Variants in NTF4 observed in about 807,000 individuals in gnomAD.
The protein encoded by NTF4 is neurotrophin-4.
In NTF4, 2 loss-of-function variants were observed where a neutral mutation model predicts 4.4. The ratio of observed to expected loss-of-function variants is 0.46; its 90% CI spans 0.19 to 1.44. NTF4 has a LOEUF of 1.44. Among genes scored for constraint, NTF4 ranks in the 40% most tolerant of loss-of-function variants. NTF4 has a pLI of 0.26. For missense variants in NTF4, 260 were observed against 293.0 expected (o/e 0.89, Z 0.82); for synonymous variants, 127 against 122.0 (o/e 1.04, Z -0.27).
chr19:49,062,128 AG>A, upstream of NTF4: 1 of 1,195,680 alleles, frequency 8.4e-7, no homozygotes, highest in East Asian at 2.6e-5. Flanking sequence ...CCCTTGTTCT[AG>A]AAGTTTGGGG....
chr19:49,061,726 C>T lies in NTF4; in HGVS notation c.272G>A (p.Arg91Gln), dbSNP rs1004394151. 50 of 1,612,476 alleles carry T rather than the reference C, an allele frequency of 3.1e-5. No homozygotes were observed. Among genetic ancestry groups the T allele is most frequent in the Non-Finnish European group, 3.8e-5 (45 of 1,179,580 alleles). Residue 91 changes from arginine to glutamine, a missense_variant, in exon 1 of 1, where the codon CGG becomes CAG. Coordinates refer to ENST00000593537, the Ensembl canonical transcript of NTF4. This position sits in a 1 kb window ranked among gnomAD's most constrained non-coding sequence, Gnocchi z 4.9. ...TGCATCGCACACAGCCAGCTCACCC[C>T]GACGACTCGCTGGTGCAGTTTCGCT...
At chr19:49,058,398 C>G (rs1158710952), downstream of NTF4, 2 of 838,216 alleles carry the variant, frequency 2.4e-6, no homozygotes, top group East Asian at 2.8e-5. Flanking sequence ...GTCCCTATCA[C>G]CCCCCACCCC....
downstream of NTF4, among the ~76,000 whole-genome samples, chr19:49,059,291 T>G (rs1324679311): frequency 2.6e-5 from 4 of 152,070 alleles, no homozygotes; most frequent in Non-Finnish European, 4.4e-5. Context: ...TGCCTTTGAT[T>G]TGGTTGAAAA....
downstream of NTF4, chr19:49,060,845 C>T (rs79835931): frequency 7.9e-3 from 1,391 of 175,288 alleles, 28 homozygotes; most frequent in African/African-American, 0.032. Context: ...CCTTTGCCCC[C>T]TCTTACCAAG....
At position 49,061,860 on chromosome 19, in the gene NTF4, T is replaced by C. The variant is rs1447708868; in HGVS notation, c.138A>G (p.Val46=). The C allele has an allele frequency of 6.5e-7, 1 of 1,543,114 alleles. No homozygotes were observed. The highest frequency in any genetic ancestry group is 1.4e-5 in the African/African-American group (1 of 72,216). ...CAGCAGGGGCACCCCTAGACAGGAC[T>C]ACTCGGGGGGAGAGAAGGTCCCACT... Residue 46 remains valine (V), a synonymous_variant, in exon 1 of 1, where the codon GTA becomes GTG. Transcript: ENST00000593537. This position sits in a 1 kb window ranked among gnomAD's most constrained non-coding sequence, Gnocchi z 4.9.
Position 49,061,407 on chromosome 19 carries a change from A to C in NTF4, c.591T>G (p.Thr197=). 2 of 1,613,476 alleles carry C rather than the reference A, an allele frequency of 1.2e-6. No homozygotes were observed. Among genetic ancestry groups the C allele is most frequent in the Non-Finnish European group, 8.5e-7 (1 of 1,180,016 alleles). ...GGCTGAGGAGTGTGCAGACGCAGGC[A>C]GTGTCAATTCGAATCCATCGCCAGC... Residue 197 remains threonine (T), a synonymous_variant, in exon 1 of 1, where the codon ACT becomes ACG. Transcript: ENST00000593537. The surrounding 1 kb of genome is among the most constrained non-coding windows in gnomAD (Gnocchi z 4.9).
At position 49,061,664 on chromosome 19, in the gene NTF4, C is replaced by A; in HGVS notation, c.334G>T (p.Asp112Tyr). Residue 112 changes from aspartate to tyrosine, a missense_variant, in exon 1 of 1, where the codon GAC (aspartate) becomes TAC (tyrosine). Transcript: ENST00000593537. This position sits in a 1 kb window ranked among gnomAD's most constrained non-coding sequence, Gnocchi z 4.9. ...ACCTCCACCTCGCGCCCACGCAAGT[C>A]CACAGCGGTCCGGCGGTCTGTCACC... 6.2e-7 allele frequency: 1 copy of A among 1,613,486 alleles called. No individual in the cohort carries two copies. Among genetic ancestry groups the A allele is most frequent in the Non-Finnish European group, 8.5e-7 (1 of 1,179,904 alleles).
downstream of NTF4, among the ~76,000 whole-genome samples, chr19:49,060,101 C>CCCA (rs1359050637): frequency 6.8e-6 from 1 of 146,866 alleles, no homozygotes; most frequent in African/African-American, 2.5e-5. Context: ...CTGCTCAACC[C>CCCA]CCATTATCTC....
downstream of NTF4, among the ~76,000 whole-genome samples, chr19:49,059,573 C>T (rs561321155): frequency 2.7e-4 from 41 of 152,282 alleles, 1 homozygote; most frequent in South Asian, 8.5e-3. Context: ...GAGGCAGCCA[C>T]GCCCCACCCT....
downstream of NTF4, among the ~76,000 whole-genome samples, chr19:49,060,054 A>AAAAAAAAAC (rs2040114670): frequency 7.0e-6 from 1 of 142,136 alleles, no homozygotes; most frequent in African/African-American, 2.6e-5. Context: ...AAAAAAAAAA[A>AAAAAAAAAC]AAAAAAAAAA....
At chr19:49,062,706 C>T (rs1394061779), upstream of NTF4, among the ~76,000 whole-genome samples, 1 of 152,116 alleles carries the variant, frequency 6.6e-6, no homozygotes, top group Admixed American at 6.6e-5. Flanking sequence ...ATCACTTGAA[C>T]CCAGGAGGTG....
downstream of NTF4, chr19:49,058,374 A>G: frequency 8.4e-7 from 1 of 1,191,560 alleles, no homozygotes; most frequent in Non-Finnish European, 1.1e-6. Context: ...CACATCAGCT[A>G]GAAAGACTCA....
upstream of NTF4, chr19:49,063,621 G>C (rs953505576): frequency 6.6e-6 from 1 of 152,194 alleles, no homozygotes; most frequent in Non-Finnish European, 1.5e-5. Context: ...TTGACCTGGC[G>C]CTGGGAGAGG....
chr19:49,064,049 GAGGGGAAGGGAGAAT>G (rs1292034800), upstream of NTF4: 1 of 153,616 alleles, frequency 6.5e-6, no homozygotes. Flanking sequence ...CAGATGGAGG[GAGGGGAAGGGAGAAT>G]AGGGGAAGGG....
Position 49,061,264 on chromosome 19 carries a change from T to C in NTF4, c.*101A>G, listed in dbSNP as rs2040128122. 27 of 1,559,192 alleles carry C rather than the reference T, an allele frequency of 1.7e-5. No homozygotes were observed. Among genetic ancestry groups the C allele is most frequent in the Non-Finnish European group, 2.2e-5 (25 of 1,156,936 alleles). ...GCTCAAAATCAGAGAATTGTGATTT[T>C]GTGATTATTTGATGAGTTCCCAAAC... is the stretch of plus-strand genomic sequence containing the variant. On this transcript the variant is annotated 3_prime_UTR_variant, in exon 1 of 1. Transcript: ENST00000593537. The surrounding 1 kb of genome is among the most constrained non-coding windows in gnomAD (Gnocchi z 4.9).
downstream of NTF4, among the ~76,000 whole-genome samples, chr19:49,060,046 A>AAAAAC (rs1421005127): frequency 6.9e-5 from 9 of 129,592 alleles, no homozygotes; most frequent in African/African-American, 2.5e-4. Context: ...CAAAAAAAAA[A>AAAAAC]AAAAAAAAAA....
In NTF4 at chr19:49,061,209, A is replaced by C. The variant is rs2040127643; in HGVS notation, c.*156T>G. 1.9e-5 allele frequency: 27 copies of C among 1,451,532 alleles called. No homozygotes were observed. The South Asian group carries it at 2.9e-4, about 16-fold the overall frequency. The allele number at this position is 1,451,532 out of a possible 1,614,324, so 89.9% of individuals were successfully genotyped here. Reference sequence around the variant, plus strand: ...ACTCCTATTCAACCTCCAAAACCCCATGTGGTTTCACCCATCCTGCAGAGA... The same window carrying C: ...ACTCCTATTCAACCTCCAAAACCCCCTGTGGTTTCACCCATCCTGCAGAGA... On this transcript the variant is annotated 3_prime_UTR_variant, in exon 1 of 1. Coordinates refer to ENST00000593537, the Ensembl canonical transcript of NTF4. This position sits in a 1 kb window ranked among gnomAD's most constrained non-coding sequence, Gnocchi z 4.9.
rs1242076168 is a variant in NTF4, at chr19:49,061,792, TC to T, written c.205del (p.Glu69SerfsTer14). 1 of 1,557,358 alleles carries T rather than the reference TC, an allele frequency of 6.4e-7. No individual in the cohort carries two copies. ...GCGGTTGGCCGGGGCACCTGCTGAC[TC>T]CCGAAAGGCCCCAGCCTCCAGCAGG... is the stretch of plus-strand genomic sequence containing the variant. On this transcript the variant is annotated frameshift_variant, in exon 1 of 1. Coordinates refer to ENST00000593537, the Ensembl canonical transcript of NTF4. LOFTEE classifies it low-confidence loss of function (END_TRUNC). This position sits in a 1 kb window ranked among gnomAD's most constrained non-coding sequence, Gnocchi z 4.9.
upstream of NTF4, among the ~76,000 whole-genome samples, chr19:49,063,335 T>G (rs1016482567): frequency 1.3e-5 from 2 of 149,744 alleles, no homozygotes; most frequent in African/African-American, 4.9e-5. Flanking sequence ...TTTTTTTTTT[T>G]GAGATGGAAT....
Sources: gnomAD v4.1 joint callset for allele counts (sites outside exome capture counted in the v4.1 genomes callset) on GRCh38, gnomAD v4.1.1 for gene constraint, Gnocchi (gnomAD v3.1) non-coding constraint, MANE v1.5 for transcripts, NCBI Gene and HGNC (gene_info 2026-07-23, HGNC 2026-07-21) for gene names.